The following FUT8 variants were observed in gnomAD, a reference collection of about 807,000 sequenced individuals.
FUT8 encodes the protein alpha-(1,6)-fucosyltransferase.
Under a neutral mutation model 71.3 loss-of-function variants are expected in FUT8, and 29 were observed. The observed-to-expected ratio is 0.41, with a 90% CI of 0.30 to 0.55. The LOEUF is 0.55. Among genes scored for constraint, FUT8 ranks in the 20% least tolerant of loss-of-function variants. The probability of loss-of-function intolerance (pLI) is 0.34; values close to 1 mark genes in which losing one functional copy is unlikely to be tolerated. For synonymous variants in FUT8, 254 were observed against 239.3 expected (o/e 1.06, Z -0.57); for missense variants, 544 against 702.1 (o/e 0.77, Z 2.55).
chr14:65,364,037 T>C, the FUT8 span, among the ~76,000 whole-genome samples: 4 of 152,212 alleles, frequency 2.6e-5, no homozygotes, highest in Non-Finnish European at 5.9e-5. Context: ...AGAAACTTGG[T>C]GGAGAACACT....
chr14:65,523,382 G>A (rs1489921112), intron 2 of FUT8, among the ~76,000 whole-genome samples: 3 of 152,192 alleles, frequency 2.0e-5, no homozygotes, highest in Non-Finnish European at 2.9e-5. Context: ...CTTATGAGAA[G>A]TGTCTATTCA....
At chr14:65,477,980 T>C (rs1009221229) in intron 2 of FUT8, among the ~76,000 whole-genome samples, 6 of 151,206 alleles carry the variant, frequency 4.0e-5, no homozygotes, top group African/African-American at 1.2e-4. Context: ...AAGTCTAGAT[T>C]GTATCTGTTA....
At chr14:65,608,430 CAGAG>C (rs1888700902) in intron 3 of FUT8, among the ~76,000 whole-genome samples, 1 of 151,834 alleles carries the variant, frequency 6.6e-6, no homozygotes, top group African/African-American at 2.4e-5. Context: ...TTTAATTTCT[CAGAG>C]AGCCGTGTAA....
At chr14:65,553,304 T>G (rs59561356) in intron 2 of FUT8, among the ~76,000 whole-genome samples, 19,640 of 152,130 alleles carry the variant, frequency 0.13, 1,658 homozygotes, top group East Asian at 0.39. Flanking sequence ...TCATGTGTAG[T>G]GAGACAACTT....
intron 2 of FUT8, among the ~76,000 whole-genome samples, chr14:65,528,602 C>A (rs1361097172): frequency 6.6e-6 from 1 of 152,132 alleles, no homozygotes; most frequent in African/African-American, 2.4e-5. Flanking sequence ...CCTGGTACCT[C>A]AGTTGGAAAT....
Position 65,467,393 on chromosome 14 carries a change from G to C in FUT8, c.-228+11675G>C, listed in dbSNP as rs2139611875. 6.6e-6 allele frequency among the ~76,000 whole-genome samples: 1 copy of C among 152,232 alleles called. No homozygotes were observed. The highest frequency in any genetic ancestry group is 2.1e-4 in the South Asian group (1 of 4,818). On this transcript the variant is annotated intron_variant, in intron 2 of 10. Transcript: ENST00000673929. The surrounding 1 kb of genome is among the most constrained non-coding windows in gnomAD (Gnocchi z 4.1). Reference sequence around the variant, plus strand: ...GCTCACTGCAACCACTGCCTCCCGGGTTCAAGCGATTCTCCTGCCTCAGCC... The same window carrying C: ...GCTCACTGCAACCACTGCCTCCCGGCTTCAAGCGATTCTCCTGCCTCAGCC...
chr14:65,476,426 G>C (rs760746679), intron 2 of FUT8, among the ~76,000 whole-genome samples: 44 of 152,240 alleles, frequency 2.9e-4, no homozygotes, highest in Middle Eastern at 3.4e-3. Flanking sequence ...TCTGAAGTTA[G>C]TGTGAGGATG....
chr14:65,667,877 A>G lies in FUT8; in HGVS notation c.598-1366A>G, dbSNP rs117200864. ...ATGGTACTGGTACAAAAACAGACATATAGACCAGTGGTACAGAATGGAGAG... is the reference window on the plus strand; with the variant it reads ...ATGGTACTGGTACAAAAACAGACATGTAGACCAGTGGTACAGAATGGAGAG... On this transcript the variant is annotated intron_variant, in intron 6 of 10. Transcript: ENST00000673929. Among the ~76,000 whole-genome samples, 871 of 152,214 alleles carry G rather than the reference A, an allele frequency of 5.7e-3. 31 individuals are homozygous for G. In the East Asian group the frequency reaches 0.093, roughly 16 times the overall value.
At chr14:65,362,425 C>T in the FUT8 span, among the ~76,000 whole-genome samples, 3 of 152,166 alleles carry the variant, frequency 2.0e-5, no homozygotes, top group African/African-American at 7.2e-5. Context: ...GCTGTAGTCC[C>T]AGCTACTCAG....
Position 65,472,876 on chromosome 14 carries a change from A to G in FUT8, c.-228+17158A>G, listed in dbSNP as rs756749515. Among the ~76,000 whole-genome samples, 3 of 152,230 alleles carry G rather than the reference A, an allele frequency of 2.0e-5. No individual in the cohort carries two copies. The highest frequency in any genetic ancestry group is 1.3e-4 in the Admixed American group (2 of 15,290). ...GCTCAAATATCTTAGTAGAAATTGA[A>G]GTAGAAAAAGACATTGTTGTAAATT... On this transcript the variant is annotated intron_variant, in intron 2 of 10. Transcript: ENST00000673929. This position sits in a 1 kb window ranked among gnomAD's most constrained non-coding sequence, Gnocchi z 4.4.
the FUT8 span, among the ~76,000 whole-genome samples, chr14:65,383,044 A>G: frequency 7.9e-5 from 12 of 151,996 alleles, no homozygotes; most frequent in African/African-American, 2.7e-4. Flanking sequence ...GCCATATCCT[A>G]TAGATTTTAC....
intron 3 of FUT8, among the ~76,000 whole-genome samples, chr14:65,599,151 A>G (rs964991027): frequency 2.0e-5 from 3 of 152,160 alleles, no homozygotes; most frequent in Non-Finnish European, 2.9e-5. Context: ...CTTGTTTCCT[A>G]CCTTATAAAT....
chr14:65,612,502 T>C (rs1020745668), intron 3 of FUT8, among the ~76,000 whole-genome samples: 4 of 152,204 alleles, frequency 2.6e-5, no homozygotes, highest in Admixed American at 1.3e-4. Context: ...AGTAGTTCCT[T>C]ATGTGTGTGT....
rs1566856060 is a variant in FUT8, at chr14:65,618,049, A to ATG, written c.482+1677_482+1678insGT. 6.0e-3 allele frequency among the ~76,000 whole-genome samples: 689 copies of ATG among 115,752 alleles called. 1 individual carries two copies. Among genetic ancestry groups the ATG allele is most frequent in the African/African-American group, 0.017 (539 of 31,184 alleles). The allele number at this position is 115,752 out of a possible 152,430, so 75.9% of individuals were successfully genotyped here. ...TATATATATATATATATATATATAT[A>ATG]TATATGTATGTATATATTTATTTAT... On this transcript the variant is annotated intron_variant, in intron 5 of 10. Transcript: ENST00000673929.
chr14:65,677,849 A>T (rs1273466412), intron 7 of FUT8, among the ~76,000 whole-genome samples: 1 of 152,172 alleles, frequency 6.6e-6, no homozygotes, highest in Non-Finnish European at 1.5e-5. Context: ...GTCATAAGAG[A>T]GGTATAAGGT....
Position 65,640,491 on chromosome 14 carries a change from A to T in FUT8, c.597+10885A>T, listed in dbSNP as rs564906357. Among the ~76,000 whole-genome samples, 4 of 152,236 alleles carry T rather than the reference A, an allele frequency of 2.6e-5. No homozygotes were observed. In the South Asian group the frequency reaches 8.3e-4, roughly 32 times the overall value. On this transcript the variant is annotated intron_variant, in intron 6 of 10. Coordinates refer to ENST00000673929, the MANE Select transcript of FUT8 (RefSeq NM_001371533.1). Reference sequence around the variant, plus strand: ...TTTAATGCCTTCCTAAATAATGATAATGTGAACTTAAACTCTTTATTGACT... The same window carrying T: ...TTTAATGCCTTCCTAAATAATGATATTGTGAACTTAAACTCTTTATTGACT...
intron 1 of FUT8, among the ~76,000 whole-genome samples, chr14:65,450,915 G>C (rs1302248329): frequency 6.6e-6 from 1 of 150,968 alleles, no homozygotes; most frequent in African/African-American, 2.4e-5. Context: ...GGCCAGGCTA[G>C]AGTGCAGTGG....
chr14:65,360,371 A>G, the FUT8 span, among the ~76,000 whole-genome samples: 1,568 of 152,328 alleles, frequency 0.01, 35 homozygotes, highest in African/African-American at 0.036. Context: ...AAGTGTACTG[A>G]TTATACCATT....
intron 3 of FUT8, among the ~76,000 whole-genome samples, chr14:65,612,639 A>G (rs543979596): frequency 6.6e-6 from 1 of 152,094 alleles, no homozygotes; most frequent in South Asian, 2.1e-4. Context: ...CATTTCTTCA[A>G]CTCAGTGAAT....
Sources: gnomAD v4.1 joint callset for allele counts (sites outside exome capture counted in the v4.1 genomes callset) on GRCh38, gnomAD v4.1.1 for gene constraint, Gnocchi (gnomAD v3.1) non-coding constraint, MANE v1.5 for transcripts, NCBI Gene and HGNC (gene_info 2026-07-23, HGNC 2026-07-21) for gene names.